PLPP4: variants seen among roughly 807,000 people sequenced by gnomAD.
PLPP4 encodes the protein diacylglycerol pyrophosphate like 2.
Under a neutral mutation model 32.2 loss-of-function variants are expected in PLPP4, and 20 were observed. That is an observed-to-expected ratio of 0.62 (90% CI 0.44 to 0.90). The LOEUF is 0.90. PLPP4 is among the 40% of genes least tolerant of loss of function. PLPP4 has a pLI of 0.00. For synonymous variants in PLPP4, 127 were observed against 133.0 expected, an observed-to-expected ratio of 0.95 and a Z score of 0.31; for missense variants, 257 against 353.1, an observed-to-expected ratio of 0.73 and a Z score of 2.18.
intron 1 of PLPP4, among the ~76,000 whole-genome samples, chr10:120,486,937 C>T (rs1367972718): frequency 6.6e-6 from 1 of 152,228 alleles, no homozygotes; most frequent in African/African-American, 2.4e-5. Context: ...GACATGAGCC[C>T]TTGCTTATTG....
At chr10:120,550,050 GA>G (rs903697866) in intron 5 of PLPP4, among the ~76,000 whole-genome samples, 4 of 151,908 alleles carry the variant, frequency 2.6e-5, no homozygotes, top group African/African-American at 9.7e-5. Flanking sequence ...TTTATTTGCA[GA>G]TAACACGATT....
intron 5 of PLPP4, among the ~76,000 whole-genome samples, chr10:120,547,376 A>T (rs1847675925): frequency 6.6e-6 from 1 of 152,206 alleles, no homozygotes; most frequent in Non-Finnish European, 1.5e-5. Flanking sequence ...ATAAACTTGC[A>T]AGCGATGCTT....
At chr10:120,475,029 G>T (rs547087024) in intron 1 of PLPP4, among the ~76,000 whole-genome samples, 1 of 152,256 alleles carries the variant, frequency 6.6e-6, no homozygotes, top group Non-Finnish European at 1.5e-5. Flanking sequence ...TTTGGATGGG[G>T]AGGGGGAAGA....
intron 1 of PLPP4, 127 bp downstream of exon 1, chr10:120,457,488 G>A (rs1847841134): frequency 1.9e-5 from 14 of 721,836 alleles, no homozygotes; most frequent in Non-Finnish European, 2.2e-5. Context: ...TCCCTTCCCC[G>A]CCAAGTGCCC....
intron 1 of PLPP4, among the ~76,000 whole-genome samples, chr10:120,462,623 T>G (rs1220436848): frequency 5.9e-5 from 9 of 152,176 alleles, no homozygotes; most frequent in Admixed American, 5.9e-4. Flanking sequence ...TTTACAGACC[T>G]AAGCATTCTG....
chr10:120,503,758 G>C, intron 1 of PLPP4, 60 bp from the exon 2 acceptor site: 1 of 1,590,912 alleles, frequency 6.3e-7, no homozygotes, highest in East Asian at 2.2e-5. Flanking sequence ...GGGCCTCCTT[G>C]GGAACTTCCC....
intron 6 of PLPP4, among the ~76,000 whole-genome samples, chr10:120,588,248 GT>G (rs990952286): frequency 7.9e-5 from 12 of 152,342 alleles, no homozygotes; most frequent in Admixed American, 7.8e-4. Flanking sequence ...AGCGAGAGTT[GT>G]TTATGTGAGC....
At chr10:120,466,979 T>C (rs1322962268) in intron 1 of PLPP4, among the ~76,000 whole-genome samples, 1 of 152,124 alleles carries the variant, frequency 6.6e-6, no homozygotes, top group East Asian at 1.9e-4. Flanking sequence ...TTCTCAAAAG[T>C]GCAGCAAAGA....
rs1849979531 is a variant in PLPP4 at position 120,591,137 on chromosome 10, G to C, written c.*1635G>C. Among the ~76,000 whole-genome samples, 1 of 152,112 alleles carries C rather than the reference G, an allele frequency of 6.6e-6. No individual in the cohort carries two copies. Among genetic ancestry groups the C allele is most frequent in the African/African-American group, 2.4e-5 (1 of 41,400 alleles). ...GAGAGACTCAGGTGGCTGCCTAAAT[G>C]GTCAGCTTATCAGCCCTGGGCTGCG... On this transcript the variant is annotated 3_prime_UTR_variant, in exon 7 of 7. Coordinates refer to ENST00000398250, the MANE Select transcript of PLPP4 (RefSeq NM_001030059.3).
chr10:120,501,712 T>C (rs1282111648), intron 1 of PLPP4, among the ~76,000 whole-genome samples: 1 of 152,242 alleles, frequency 6.6e-6, no homozygotes, highest in Non-Finnish European at 1.5e-5. Flanking sequence ...TTAGGTATCA[T>C]TTAGTTCAAT....
rs1276128625 is a variant in PLPP4 at position 120,457,314 on chromosome 10, G to T, written c.9G>T (p.Glu3Asp). 6.5e-7 allele frequency: 1 copy of T among 1,530,342 alleles called. No homozygotes were observed. The highest frequency in any genetic ancestry group is 8.8e-7 in the Non-Finnish European group (1 of 1,137,508). The allele number at this position is 1,530,342 out of a possible 1,614,324, so 94.8% of individuals were successfully genotyped here. A position where few individuals can be genotyped will look rare whatever the true frequency, so the allele number is the denominator to read the frequency against. The change falls in exon 1 of 7, where the codon GAG (glutamate) becomes GAT (aspartate). Residue 3 changes from glutamate (E) to aspartate (D), a missense_variant. Coordinates refer to ENST00000398250, the MANE Select transcript of PLPP4 (RefSeq NM_001030059.3). MR[E>D]LAIEIGVRAL... ...GCTGCTCCGGCCGCACCATGCGGGA[G>T]CTGGCCATTGAGATCGGGGTGCGAG...
At chr10:120,517,707 C>T (rs187599336) in intron 3 of PLPP4, among the ~76,000 whole-genome samples, 8 of 152,228 alleles carry the variant, frequency 5.3e-5, no homozygotes, top group South Asian at 2.1e-4. Flanking sequence ...CTTTCTGCTT[C>T]GGATAACTTG....
intron 5 of PLPP4, among the ~76,000 whole-genome samples, chr10:120,527,038 A>G (rs1399125547): frequency 6.6e-6 from 1 of 152,154 alleles, no homozygotes; most frequent in Non-Finnish European, 1.5e-5. Flanking sequence ...TGTTTGTATT[A>G]GTGAGGGCTC....
chr10:120,475,002 A>G (rs1843832100), intron 1 of PLPP4, among the ~76,000 whole-genome samples: 1 of 152,156 alleles, frequency 6.6e-6, no homozygotes, highest in African/African-American at 2.4e-5. Flanking sequence ...TTATGTGTTG[A>G]AACAATTTAC....
chr10:120,479,724 A>G (rs1256825346), intron 1 of PLPP4, among the ~76,000 whole-genome samples: 1 of 152,172 alleles, frequency 6.6e-6, no homozygotes, highest in Non-Finnish European at 1.5e-5. Context: ...TGCATTTTTT[A>G]ATAAAAATCG....
intron 6 of PLPP4, among the ~76,000 whole-genome samples, chr10:120,582,736 G>T (rs1849565606): frequency 6.8e-6 from 1 of 147,774 alleles, no homozygotes; most frequent in Admixed American, 6.8e-5. Context: ...TAAACAAAAG[G>T]TTATACTGTA....
chr10:120,581,079 T>C, intron 6 of PLPP4: 1 of 1,266,224 alleles, frequency 7.9e-7, no homozygotes, highest in South Asian at 1.3e-5. Context: ...CAAAGTCCAC[T>C]GCATATCCTG....
chr10:120,524,893 T>TA (rs1159212266), intron 5 of PLPP4, among the ~76,000 whole-genome samples: 1 of 152,188 alleles, frequency 6.6e-6, no homozygotes, highest in African/African-American at 2.4e-5. Context: ...CCCGATTTTT[T>TA]ATTGAGTACT....
chr10:120,469,752 C>T (rs1453598941), intron 1 of PLPP4, among the ~76,000 whole-genome samples: 12 of 152,150 alleles, frequency 7.9e-5, no homozygotes. Context: ...ATATAATTAA[C>T]AAAACTACTG....
Sources: allele counts gnomAD v4.1 joint callset (sites outside exome capture counted in the v4.1 genomes callset), GRCh38; gene constraint gnomAD v4.1.1; transcripts MANE v1.5; gene names NCBI Gene and HGNC (gene_info 2026-07-23, HGNC 2026-07-21).